The following ABCA4 variants were observed in gnomAD, a reference collection of about 807,000 sequenced individuals.
ABCA4 encodes the protein retinal-specific phospholipid-transporting ATPase ABCA4.
A neutral mutation model predicts 263.7 loss-of-function variants in ABCA4; 196 were observed. The observed-to-expected ratio is 0.74, with a 90% CI of 0.66 to 0.84. The LOEUF is 0.84. Ranked by LOEUF, ABCA4 falls within the 40% of genes least tolerant of loss-of-function variation. The probability of loss-of-function intolerance (pLI) is 0.00; values close to 1 mark genes in which losing one functional copy is unlikely to be tolerated. For missense variants in ABCA4, 2,792 were observed against 2,855.1 expected (o/e 0.98, Z 0.50); for synonymous variants, 1,133 against 1,094.2 (o/e 1.04, Z -0.70).
At chr1:94,072,976 T>A (rs1661443780) in intron 11 of ABCA4, among the ~76,000 whole-genome samples, 1 of 152,040 alleles carries the variant, frequency 6.6e-6, no homozygotes. Flanking sequence ...TAGGCCGCCC[T>A]CCTGGGAGGG....
chr1:94,116,984 T>G (rs1241016071), intron 1 of ABCA4, among the ~76,000 whole-genome samples: 2 of 116,564 alleles, frequency 1.7e-5, no homozygotes, highest in African/African-American at 6.6e-5. Flanking sequence ...CTTTCTTTCT[T>G]TCTTTCTTTC....
chr1:94,019,322 C>A, intron 36 of ABCA4: 1 of 456,872 alleles, frequency 2.2e-6, no homozygotes, highest in Non-Finnish European at 4.0e-6. Flanking sequence ...CAGAAGACCC[C>A]TCAGTGCAGG....
At position 94,079,342 on chromosome 1, in the gene ABCA4, C is replaced by G; in HGVS notation, c.1219G>C (p.Ala407Pro). The change falls in exon 9 of 50, where the codon GCA (alanine) becomes CCA (proline). Residue 407 changes from alanine to proline, a missense_variant. Physicochemically the swap from Ala to Pro is conservative, Grantham distance 27. Coordinates refer to ENST00000370225, the MANE Select transcript of ABCA4 (RefSeq NM_000350.3). ...KILYTPDSPA[A>P]RRILKNANST... Reference sequence around the variant, plus strand: ...CTTACATTCTTCAGTATCCTTCGTGCTGCAGGTGAATCAGGAGTGTACAGG... The same window carrying G: ...CTTACATTCTTCAGTATCCTTCGTGGTGCAGGTGAATCAGGAGTGTACAGG... The G allele has an allele frequency of 6.2e-7, 1 of 1,614,130 alleles. No homozygotes were observed. Among genetic ancestry groups the G allele is most frequent in the Non-Finnish European group, 8.5e-7 (1 of 1,180,022 alleles).
At chr1:94,100,862 C>A (rs925832017) in intron 5 of ABCA4, among the ~76,000 whole-genome samples, 3 of 152,162 alleles carry the variant, frequency 2.0e-5, no homozygotes, top group African/African-American at 7.2e-5. Flanking sequence ...TCGTGATGGA[C>A]AGTTCTGGGA....
At position 94,048,903 on chromosome 1, in the gene ABCA4, T is replaced by C; in HGVS notation, c.2708A>G (p.Glu903Gly). ...ALEKTEPLTEETEDPEHPEGI... is the reference protein window; with the variant it reads ...ALEKTEPLTEGTEDPEHPEGI... ...TTCTGGGTGCTCTGGATCCTCCGTT[T>C]CCTCTGTTAGGGGCTCGGTCTTTTC... Residue 903 changes from glutamate (E) to glycine (G), a missense_variant, in exon 18 of 50, where the codon GAA becomes GGA. Glu to Gly is a moderately conservative substitution (Grantham distance 98). Transcript: ENST00000370225. 1 of 1,614,146 alleles carries C rather than the reference T, an allele frequency of 6.2e-7. No homozygotes were observed.
At position 94,005,420 on chromosome 1, in the gene ABCA4, C is replaced by T. The variant is rs144540817; in HGVS notation, c.6147+21G>A. The T allele has an allele frequency of 4.6e-4, 747 of 1,614,040 alleles. 9 individuals are homozygous for T. The African/African-American group carries it at 8.4e-3, about 18-fold the overall frequency. On this transcript the variant is annotated intron_variant, in intron 44 of 49. Transcript: ENST00000370225. Reference sequence around the variant, plus strand: ...TGTAATTAACCAGACTCCTATGTGGCCACAACAAAACATTTTTCACCTTTT... The same window carrying T: ...TGTAATTAACCAGACTCCTATGTGGTCACAACAAAACATTTTTCACCTTTT...
rs887208825 is a variant in ABCA4, at chr1:94,007,639, G to A, written c.6000C>T (p.Gly2000=). Residue 2000 remains glycine, a synonymous_variant, in exon 43 of 50, where the codon GGC becomes GGT. Transcript: ENST00000370225. Reference sequence around the variant, plus strand: ...AGGAGGAGCAGGATACTCACCTCTTGCCTGCTACGGTGGCATCCCCTGAGG... The same window carrying A: ...AGGAGGAGCAGGATACTCACCTCTTACCTGCTACGGTGGCATCCCCTGAGG... ...TVTSGDATVA[G]KSILTNISEV... The A allele has an allele frequency of 1.2e-6, 2 of 1,612,906 alleles. No homozygotes were observed. Among genetic ancestry groups the A allele is most frequent in the South Asian group, 1.1e-5 (1 of 91,048 alleles).
Position 94,111,444 on chromosome 1 carries a change from T to C in ABCA4, c.296A>G (p.Asn99Ser), listed in dbSNP as rs1380689567. Residue 99 changes from asparagine (N) to serine (S), a missense_variant, in exon 3 of 50, where the codon AAC becomes AGC. Transcript: ENST00000370225. ...TAGGGATCTCAACACTTACATGGAG[T>C]TGTTATAGTTTGACACAATTCCAGG... ...ESPGIVSNYN[N>S]SILARVYRDF... The C allele has an allele frequency of 2.5e-6, 4 of 1,613,628 alleles. No individual in the cohort carries two copies. The highest frequency in any genetic ancestry group is 1.7e-6 in the Non-Finnish European group (2 of 1,179,926).
At chr1:94,037,063 A>G in intron 25 of ABCA4, 82 bp downstream of exon 25, 1 of 1,467,828 alleles carries the variant, frequency 6.8e-7, no homozygotes, top group African/African-American at 1.4e-5. Context: ...TGCTTTTACA[A>G]AACTTTGCTC....
intron 1 of ABCA4, 95 bp downstream of exon 1, chr1:94,120,885 C>CCT: frequency 3.3e-6 from 2 of 597,168 alleles, no homozygotes; most frequent in Non-Finnish European, 6.2e-6. Flanking sequence ...ACCCCCCACC[C>CCT]TGCCCCACCA....
Position 94,080,482 on chromosome 1 carries a change from T to C in ABCA4, c.1095A>G (p.Arg365=), listed in dbSNP as rs1244319420. 1 of 1,614,072 alleles carries C rather than the reference T, an allele frequency of 6.2e-7. No individual in the cohort carries two copies. The highest frequency in any genetic ancestry group is 8.5e-7 in the Non-Finnish European group (1 of 1,180,050). ...RKDPIYSYDR[R]TTSFCNALIQ... The stretch of plus-strand genomic sequence containing the variant: ...AGCAGGACTCAGAAAACTTACTTGT[T>C]CTTCTGTCATAAGAATAGATAGGAT... Residue 365 remains arginine (R), a synonymous_variant, in exon 8 of 50, where the codon AGA becomes AGG. Transcript: ENST00000370225.
chr1:94,036,484 C>T (rs1319755468), intron 26 of ABCA4, among the ~76,000 whole-genome samples: 1 of 151,464 alleles, frequency 6.6e-6, no homozygotes, highest in Non-Finnish European at 1.5e-5. Context: ...TCAAGTGATT[C>T]TCCTGCCTCA....
chr1:94,062,491 C>T, intron 13 of ABCA4, 86 bp downstream of exon 13: 1 of 1,533,136 alleles, frequency 6.5e-7, no homozygotes, highest in Non-Finnish European at 9.0e-7. Flanking sequence ...GACATGGAAG[C>T]CTTGAGGGCA....
rs1659463623 is a variant in ABCA4, at chr1:94,008,683, G to A, written c.5835+68C>T. 3 of 1,608,636 alleles carry A rather than the reference G, an allele frequency of 1.9e-6. No homozygotes were observed. In the East Asian group the frequency reaches 6.7e-5, roughly 36 times the overall value. On this transcript the variant is annotated intron_variant, in intron 41 of 49. Coordinates refer to ENST00000370225, the MANE Select transcript of ABCA4 (RefSeq NM_000350.3). ...TAAGCATATCAATTGTTCTATAGAA[G>A]GAAAATGGCAACATCATGCCAACTG...
intron 44 of ABCA4, 74 bp downstream of exon 44, chr1:94,005,367 A>AAG: frequency 6.3e-7 from 1 of 1,583,904 alleles, no homozygotes; most frequent in South Asian, 1.1e-5. Flanking sequence ...TCTCATCTCC[A>AAG]AGAGAATGCA....
chr1:94,107,156 C>A (rs753286628), intron 4 of ABCA4, among the ~76,000 whole-genome samples: 5 of 152,184 alleles, frequency 3.3e-5, no homozygotes, highest in Non-Finnish European at 7.3e-5. Flanking sequence ...CTGGTAGACC[C>A]CTTGGTGACC....
chr1:94,111,571 G>A lies in ABCA4; in HGVS notation c.169C>T (p.Pro57Ser). Residue 57 changes from proline to serine, a missense_variant, in exon 3 of 50, where the codon CCC becomes TCC. Transcript: ENST00000370225. Reference sequence around the variant, plus strand: ...CCTGCTGAGGGCATCGCCTTGTTGGGGAAATGGCCTTTAAAACAGAAAATG... The same window carrying A: ...CCTGCTGAGGGCATCGCCTTGTTGGAGAAATGGCCTTTAAAACAGAAAATG... ...PLYSHHECHF[P>S]NKAMPSAGML... The A allele has an allele frequency of 3.1e-6, 5 of 1,614,232 alleles. No individual in the cohort carries two copies. Among genetic ancestry groups the A allele is most frequent in the East Asian group, 4.5e-5 (2 of 44,880 alleles).
At chr1:94,037,466 T>A in intron 24 of ABCA4, 116 bp from the exon 25 acceptor site, 1 of 943,444 alleles carries the variant, frequency 1.1e-6, no homozygotes, top group Non-Finnish European at 1.7e-6. Flanking sequence ...GTATTTTGTA[T>A]CTCGGCAGTG....
At chr1:94,019,237 T>C (rs1287837945) in intron 36 of ABCA4, among the ~76,000 whole-genome samples, 2 of 151,956 alleles carry the variant, frequency 1.3e-5, no homozygotes, top group Admixed American at 1.3e-4. Context: ...GACCCCTTCA[T>C]ATTACCTTCT....
Sources: gnomAD v4.1 joint callset for allele counts (sites outside exome capture counted in the v4.1 genomes callset) on GRCh38, gnomAD v4.1.1 for gene constraint, MANE v1.5 for transcripts, NCBI Gene and HGNC (gene_info 2026-07-23, HGNC 2026-07-21) for gene names.